Variants in VWA5A observed in about 807,000 individuals in gnomAD.
VWA5A encodes von Willebrand factor A domain containing 5A, also known as von Willebrand factor A domain-containing protein 5A.
VWA5A carries 77 observed loss-of-function variants against 84.6 expected under a neutral mutation model. The observed-to-expected ratio is 0.91, with a 90% CI of 0.76 to 1.10. VWA5A has a LOEUF of 1.10. VWA5A is among the 50% of genes least tolerant of loss of function. The probability of loss-of-function intolerance (pLI) is 0.00; values close to 1 mark genes in which losing one functional copy is unlikely to be tolerated. For missense variants in VWA5A, 973 were observed against 963.0 expected (o/e 1.01, Z -0.14); for synonymous variants, 334 against 350.1 (o/e 0.95, Z 0.51).
chr11:124,123,204 A>T (rs755015643), intron 8 of VWA5A, 75 bp downstream of exon 8: 19 of 1,554,704 alleles, frequency 1.2e-5, no homozygotes, highest in Non-Finnish European at 1.6e-5. Context: ...ATAAGGGTCT[A>T]TCTGGAGCCT....
At chr11:124,139,488 CA>C (rs1240470128) in intron 15 of VWA5A, among the ~76,000 whole-genome samples, 1 of 152,066 alleles carries the variant, frequency 6.6e-6, no homozygotes, top group Non-Finnish European at 1.5e-5. Context: ...TTACAATTTT[CA>C]GTATAGAGAT....
intron 15 of VWA5A, among the ~76,000 whole-genome samples, chr11:124,138,106 C>T (rs1252216969): frequency 6.6e-6 from 1 of 152,178 alleles, no homozygotes; most frequent in African/African-American, 2.4e-5. Flanking sequence ...ACATAATGTT[C>T]TCCAAGTTCA....
At position 124,134,912 on chromosome 11, in the gene VWA5A, A is replaced by C. The variant is rs1271268753; in HGVS notation, c.1245-8A>C. The C allele has an allele frequency of 1.2e-6, 2 of 1,608,146 alleles. No homozygotes were observed. Among genetic ancestry groups the C allele is most frequent in the Non-Finnish European group, 8.5e-7 (1 of 1,175,626 alleles). ...CTTCCTCTAACCTCTGTCCTGTTAC[A>C]ATTGCAGGTGTTTCTCATTTGGTAT... On this transcript the variant is annotated splice_polypyrimidine_tract_variant and splice_region_variant and intron_variant, in intron 11 of 18. Coordinates refer to ENST00000456829, the MANE Select transcript of VWA5A (RefSeq NM_001130142.2).
At position 124,121,984 on chromosome 11, in the gene VWA5A, G is replaced by A. The variant is rs776728917; in HGVS notation, c.761-976G>A. 4.6e-5 allele frequency among the ~76,000 whole-genome samples: 7 copies of A among 152,098 alleles called. No homozygotes were observed. In the East Asian group the frequency reaches 9.6e-4, roughly 21 times the overall value. ...TGTAAATGTTATTTTTTGAACTAGT[G>A]TCCTATCATATATTTGATGGGCAAC... is the stretch of plus-strand genomic sequence containing the variant. On this transcript the variant is annotated intron_variant, in intron 7 of 18. Transcript: ENST00000456829.
intron 10 of VWA5A, 105 bp downstream of exon 10, chr11:124,123,909 A>G: frequency 7.1e-7 from 1 of 1,406,574 alleles, no homozygotes; most frequent in Non-Finnish European, 9.4e-7. Context: ...TTTGCAATTC[A>G]CAGTCTTCTA....
rs188212967 is a variant in VWA5A at position 124,126,973 on chromosome 11, T to G, written c.1244+2657T>G. Among the ~76,000 whole-genome samples, 326 of 152,260 alleles carry G rather than the reference T, an allele frequency of 2.1e-3. 5 individuals carry two copies. Among genetic ancestry groups the G allele is most frequent in the African/African-American group, 7.5e-3 (311 of 41,526 alleles). ...AATACAACTATTAAATTCAAGACATTTAAAGTTGAGATAACACATTATCTA... is the reference window on the plus strand; with the variant it reads ...AATACAACTATTAAATTCAAGACATGTAAAGTTGAGATAACACATTATCTA... On this transcript the variant is annotated intron_variant, in intron 11 of 18. Transcript: ENST00000456829.
chr11:124,143,144 A>G (rs1860761844), intron 17 of VWA5A, among the ~76,000 whole-genome samples: 1 of 152,200 alleles, frequency 6.6e-6, no homozygotes, highest in African/African-American at 2.4e-5. Flanking sequence ...AAAGTGGTCC[A>G]GACATTGGCA....
chr11:124,116,735 T>C (rs1360876504), intron 2 of VWA5A, 55 bp downstream of exon 2: 1 of 152,196 alleles, frequency 6.6e-6, no homozygotes, highest in Non-Finnish European at 1.5e-5. Flanking sequence ...TAAAAACAGA[T>C]ATGGAATGAA....
chr11:124,118,179 T>G lies in VWA5A; in HGVS notation c.247-10T>G, dbSNP rs1463876003. ...CCTTTCTTTCCCATCCCTCGCCCTG[T>G]GCTTCTCAGGCCCGCACCAACTATG... is the stretch of plus-strand genomic sequence containing the variant. On this transcript the variant is annotated splice_polypyrimidine_tract_variant and intron_variant, in intron 4 of 18. Coordinates refer to ENST00000456829, the MANE Select transcript of VWA5A (RefSeq NM_001130142.2). 41 of 1,612,412 alleles carry G rather than the reference T, an allele frequency of 2.5e-5. No homozygotes were observed. The highest frequency in any genetic ancestry group is 3.3e-5 in the Non-Finnish European group (39 of 1,179,294).
chr11:124,139,482 A>T (rs1291983021), intron 15 of VWA5A, among the ~76,000 whole-genome samples: 1 of 152,136 alleles, frequency 6.6e-6, no homozygotes, highest in Non-Finnish European at 1.5e-5. Flanking sequence ...AATGTCTTAC[A>T]ATTTTCAGTA....
chr11:124,138,288 C>A (rs1860655478), intron 15 of VWA5A, among the ~76,000 whole-genome samples: 1 of 152,024 alleles, frequency 6.6e-6, no homozygotes, highest in Non-Finnish European at 1.5e-5. Flanking sequence ...TTACTGATTT[C>A]TTTTCTTTTG....
Position 124,146,074 on chromosome 11 carries a change from T to A in VWA5A, c.*129T>A. 1 of 934,892 alleles carries A rather than the reference T, an allele frequency of 1.1e-6. No individual in the cohort carries two copies. Among genetic ancestry groups the A allele is most frequent in the Non-Finnish European group, 1.6e-6 (1 of 637,446 alleles). 57.9% of individuals were successfully genotyped at this position (934,892 alleles called of 1,614,324 possible). A position where few individuals can be genotyped will look rare whatever the true frequency, so the allele number is the denominator to read the frequency against. ...TTTTGCCATAAAAGTAAAGGATGCTTACTCCACTTCGCTTCTCTGCTCCAG... is the reference window on the plus strand; with the variant it reads ...TTTTGCCATAAAAGTAAAGGATGCTAACTCCACTTCGCTTCTCTGCTCCAG... On this transcript the variant is annotated 3_prime_UTR_variant, in exon 19 of 19. Coordinates refer to ENST00000456829, the MANE Select transcript of VWA5A (RefSeq NM_001130142.2).
Sources: allele counts gnomAD v4.1 joint callset (sites outside exome capture counted in the v4.1 genomes callset), GRCh38; gene constraint gnomAD v4.1.1; transcripts MANE v1.5; gene names NCBI Gene and HGNC (gene_info 2026-07-23, HGNC 2026-07-21).